The following MSR1 variants were observed in gnomAD, a reference collection of about 807,000 sequenced individuals.
MSR1 encodes the protein macrophage scavenger receptor types I and II.
In MSR1, 53 loss-of-function variants were observed where a neutral mutation model predicts 47.2. That is an observed-to-expected ratio of 1.12 (90% CI 0.90 to 1.41). The LOEUF (loss-of-function observed/expected upper bound fraction) is 1.41, where lower values mean the gene tolerates loss of function less well. MSR1 is among the 40% of genes most tolerant of loss of function. The probability of loss-of-function intolerance (pLI) is 0.00; values close to 1 mark genes in which losing one functional copy is unlikely to be tolerated. For missense variants in MSR1, 786 were observed against 546.9 expected (o/e 1.44, Z -4.36); for synonymous variants, 239 against 185.6 (o/e 1.29, Z -2.34).
At position 16,130,559 on chromosome 8, in the gene MSR1, G is replaced by T. The variant is rs182524720; in HGVS notation, c.1034-9953C>A. Among the ~76,000 whole-genome samples, 10 of 152,130 alleles carry T rather than the reference G, an allele frequency of 6.6e-5. No homozygotes were observed. In the East Asian group the frequency reaches 1.9e-3, roughly 30 times the overall value. On this transcript the variant is annotated intron_variant, in intron 8 of 9. Transcript: ENST00000262101. ...GGTAAATTGCGTGTCGTGGCAATTT[G>T]GTGGACACAGATTATTTTGTCTTCG...
intron 8 of MSR1, among the ~76,000 whole-genome samples, chr8:16,129,923 G>A (rs1800216927): frequency 6.6e-6 from 1 of 152,134 alleles, no homozygotes; most frequent in African/African-American, 2.4e-5. Flanking sequence ...TAGGAAGCCT[G>A]GAGTTGTTTC....
chr8:16,128,534 G>C (rs1729938303), intron 8 of MSR1, among the ~76,000 whole-genome samples: 1 of 152,074 alleles, frequency 6.6e-6, no homozygotes, highest in Non-Finnish European at 1.5e-5. Context: ...TTAATGTCAA[G>C]AACTCTGAGG....
At chr8:16,127,828 C>T (rs575327510) in intron 8 of MSR1, among the ~76,000 whole-genome samples, 12 of 152,256 alleles carry the variant, frequency 7.9e-5, no homozygotes, top group African/African-American at 2.9e-4. Flanking sequence ...AAAGATGTTT[C>T]TGTTACTTTC....
At chr8:16,119,246 AT>A (rs1799943326) in intron 9 of MSR1, among the ~76,000 whole-genome samples, 1 of 151,958 alleles carries the variant, frequency 6.6e-6, no homozygotes, top group Admixed American at 6.6e-5. Context: ...TATTATCATT[AT>A]TTTTTTAGAC....
chr8:16,160,001 T>A (rs566946543), intron 5 of MSR1, among the ~76,000 whole-genome samples: 1 of 151,970 alleles, frequency 6.6e-6, no homozygotes, highest in African/African-American at 2.4e-5. Flanking sequence ...GTTGAAATAT[T>A]TGATATACAA....
chr8:16,173,081 C>G (rs574405488), intron 3 of MSR1, among the ~76,000 whole-genome samples: 88 of 152,294 alleles, frequency 5.8e-4, no homozygotes, highest in African/African-American at 2.0e-3. Context: ...TCTGGTGAAT[C>G]TGATACTGAT....
intron 8 of MSR1, among the ~76,000 whole-genome samples, chr8:16,128,121 T>G (rs1221583610): frequency 6.6e-6 from 1 of 152,130 alleles, no homozygotes; most frequent in East Asian, 1.9e-4. Flanking sequence ...TTAGGCCCTC[T>G]TTAAGAACAA....
intron 8 of MSR1, chr8:16,140,421 A>C: frequency 1.0e-6 from 1 of 985,558 alleles, no homozygotes; most frequent in African/African-American, 1.7e-5. Flanking sequence ...TTTTCCTATC[A>C]TTGTATGAGT....
At chr8:16,142,352 A>G (rs1434343951) in intron 8 of MSR1, among the ~76,000 whole-genome samples, 1 of 152,144 alleles carries the variant, frequency 6.6e-6, no homozygotes, top group African/African-American at 2.4e-5. Context: ...CAAACAAACA[A>G]AAAAACAAAA....
chr8:16,120,759 T>G, intron 8 of MSR1, 153 bp from the exon 9 acceptor site: 1 of 954,616 alleles, frequency 1.0e-6, no homozygotes, highest in South Asian at 1.8e-5. Flanking sequence ...TTAAACTTTC[T>G]AGCACCACCT....
At chr8:16,182,875 A>C (rs921641340) in intron 1 of MSR1, among the ~76,000 whole-genome samples, 7 of 152,268 alleles carry the variant, frequency 4.6e-5, no homozygotes, top group Admixed American at 4.6e-4. Context: ...TAAATACATA[A>C]ACCATTAACA....
intron 9 of MSR1, among the ~76,000 whole-genome samples, chr8:16,111,192 G>C (rs1015210832): frequency 1.2e-4 from 18 of 152,152 alleles, no homozygotes; most frequent in African/African-American, 3.9e-4. Flanking sequence ...AAGCCTCAAA[G>C]GGCTACTTAA....
intron 9 of MSR1, among the ~76,000 whole-genome samples, chr8:16,115,118 G>A (rs1215321493): frequency 6.6e-6 from 1 of 152,104 alleles, no homozygotes; most frequent in African/African-American, 2.4e-5. Context: ...GGCAGAGGTT[G>A]CGGTGAGCCG....
chr8:16,170,829 T>C (rs1382592111), intron 3 of MSR1, among the ~76,000 whole-genome samples: 1 of 152,184 alleles, frequency 6.6e-6, no homozygotes, highest in Admixed American at 6.5e-5. Flanking sequence ...CTTATCGCTC[T>C]CCTTGCTTTG....
At chr8:16,154,362 T>A (rs1400262627) in intron 6 of MSR1, among the ~76,000 whole-genome samples, 1 of 152,018 alleles carries the variant, frequency 6.6e-6, no homozygotes, top group Admixed American at 6.6e-5. Flanking sequence ...ATTATCTTTT[T>A]TATTTTTTCA....
intron 9 of MSR1, among the ~76,000 whole-genome samples, chr8:16,112,620 A>C (rs1799783047): frequency 1.3e-5 from 2 of 152,102 alleles, no homozygotes; most frequent in Admixed American, 1.3e-4. Context: ...AAAATTCATA[A>C]AATTTTATCC....
intron 8 of MSR1, among the ~76,000 whole-genome samples, chr8:16,134,449 C>T (rs1800340679): frequency 6.6e-6 from 1 of 152,064 alleles, no homozygotes; most frequent in African/African-American, 2.4e-5. Context: ...TGGGGAACCA[C>T]AAACCATGCC....
Position 16,120,542 on chromosome 8 carries a change from G to A in MSR1, c.1098C>T (p.Leu366=), listed in dbSNP as rs761532249. 6.2e-7 allele frequency: 1 copy of A among 1,609,996 alleles called. No individual in the cohort carries two copies. The highest frequency in any genetic ancestry group is 1.1e-5 in the South Asian group (1 of 91,018). The change falls in exon 9 of 10, where the codon CTC becomes CTT. Residue 366 remains leucine, a synonymous_variant. Coordinates refer to ENST00000262101, the MANE Select transcript of MSR1 (RefSeq NM_138715.3). ...AAATTGTACCCCACTGGCCGCTGTG[G>A]AGTATCTCCACCCTCCCCTCGTGAG... ...SGPHEGRVEI[L]HSGQWGTICD...
intron 5 of MSR1, among the ~76,000 whole-genome samples, chr8:16,157,643 T>C (rs1048063778): frequency 2.0e-5 from 3 of 151,984 alleles, no homozygotes; most frequent in Non-Finnish European, 2.9e-5. Flanking sequence ...TTTAGATTCA[T>C]TGGGGGAATA....
Sources: gnomAD v4.1 joint callset for allele counts (sites outside exome capture counted in the v4.1 genomes callset) on GRCh38, gnomAD v4.1.1 for gene constraint, MANE v1.5 for transcripts, NCBI Gene and HGNC (gene_info 2026-07-23, HGNC 2026-07-21) for gene names.